TVP23C: variants seen among roughly 807,000 people sequenced by gnomAD.
TVP23C encodes trans-golgi network vesicle protein 23 homolog C.
TVP23C carries 19 observed loss-of-function variants against 28.7 expected under a neutral mutation model. The ratio of observed to expected loss-of-function variants is 0.66; its 90% CI spans 0.46 to 0.97. The LOEUF is 0.97. Among genes scored for constraint, TVP23C ranks in the 50% least tolerant of loss-of-function variants. The pLI, the probability that TVP23C is intolerant of heterozygous loss-of-function variation, is 0.00. For synonymous variants in TVP23C, 68 were observed against 81.7 expected, an observed-to-expected ratio of 0.83 and a Z score of 0.90; for missense variants, 186 against 241.3, an observed-to-expected ratio of 0.77 and a Z score of 1.52.
intron 5 of TVP23C, among the ~76,000 whole-genome samples, chr17:15,525,670 G>A (rs1396634205): frequency 6.6e-6 from 1 of 152,152 alleles, no homozygotes; most frequent in Non-Finnish European, 1.5e-5. Flanking sequence ...CTCTCCGTGT[G>A]TGTGTGTGTG....
rs758973311 is a variant in TVP23C, at chr17:15,538,694, G to A, written c.*1718C>T. ...AGTTTGTCTCATTTGAGCAGACGCC[G>A]GATACCATGTAAGACACTAACCCTA... On this transcript the variant is annotated 3_prime_UTR_variant, in exon 6 of 6. Coordinates refer to ENST00000518321, the MANE Select transcript of TVP23C (RefSeq NM_001135036.2). The A allele has an allele frequency of 1.0e-4, 101 of 985,216 alleles. No homozygotes were observed. The highest frequency in any genetic ancestry group is 5.2e-4 in the Middle Eastern group (1 of 1,936). 61.0% of individuals were successfully genotyped at this position (985,216 alleles called of 1,614,324 possible).
chr17:15,515,632 A>C (rs1367596933), intron 5 of TVP23C, among the ~76,000 whole-genome samples: 1 of 152,242 alleles, frequency 6.6e-6, no homozygotes, highest in Non-Finnish European at 1.5e-5. Context: ...AGAACCCAGG[A>C]AGGCCAGGTG....
intron 1 of TVP23C, among the ~76,000 whole-genome samples, chr17:15,561,172 TAA>T (rs201979667): frequency 0.027 from 4,113 of 152,208 alleles, 172 homozygotes; most frequent in African/African-American, 0.092. Context: ...TGAGAGAGGA[TAA>T]GAGAAGAAAC....
Position 15,510,228 on chromosome 17 carries a change from G to A in TVP23C, c.463-6996C>T, listed in dbSNP as rs1197644637. The stretch of plus-strand genomic sequence containing the variant: ...GAGGAGGAAGTAGAGAAGAGAGCTG[G>A]GCTGGAGGAAGATGATGGTGAGACC... On this transcript the variant is annotated intron_variant, in intron 5 of 5. Coordinates refer to the TVP23C transcript ENST00000225576. Among the ~76,000 whole-genome samples, 4 of 152,264 alleles carry A rather than the reference G, an allele frequency of 2.6e-5. No homozygotes were observed. The South Asian group carries it at 8.3e-4, about 32-fold the overall frequency.
chr17:15,507,838 C>CA (rs936532859), intron 5 of TVP23C, among the ~76,000 whole-genome samples: 1 of 150,708 alleles, frequency 6.6e-6, no homozygotes. Context: ...GACTCCATCT[C>CA]AAAAAAAAGA....
intron 5 of TVP23C, among the ~76,000 whole-genome samples, chr17:15,542,638 G>A (rs1203308568): frequency 7.2e-5 from 11 of 151,734 alleles, no homozygotes; most frequent in Non-Finnish European, 1.5e-4. Context: ...CACCACACCC[G>A]GCTAATTTTT....
rs188841609 is a variant in TVP23C, at chr17:15,557,185, T to C, written c.13-1821A>G. Among the ~76,000 whole-genome samples, 78 of 149,628 alleles carry C rather than the reference T, an allele frequency of 5.2e-4. 6 individuals carry two copies. The highest frequency in any genetic ancestry group is 1.1e-3 in the Non-Finnish European group (71 of 66,818). On this transcript the variant is annotated intron_variant, in intron 1 of 5. Transcript: ENST00000518321. ...TGAAATCCCCATGTTCCCACAGCACTTGGACGAATCTCCATTTGAACAATT... is the reference window on the plus strand; with the variant it reads ...TGAAATCCCCATGTTCCCACAGCACCTGGACGAATCTCCATTTGAACAATT...
At chr17:15,554,686 G>C (rs1233970310) in intron 2 of TVP23C, among the ~76,000 whole-genome samples, 3 of 152,120 alleles carry the variant, frequency 2.0e-5, no homozygotes. Context: ...ACCCCAGACA[G>C]AATCTTTGCA....
intron 5 of TVP23C, among the ~76,000 whole-genome samples, chr17:15,511,713 C>T (rs185274517): frequency 6.6e-6 from 1 of 152,296 alleles, no homozygotes; most frequent in East Asian, 1.9e-4. Flanking sequence ...CTTGTCCCCA[C>T]TCAATGGCTC....
At position 15,538,825 on chromosome 17, in the gene TVP23C, C is replaced by T. The variant is rs1597529966; in HGVS notation, c.*1587G>A. On this transcript the variant is annotated 3_prime_UTR_variant, in exon 6 of 6. Coordinates refer to ENST00000518321, the MANE Select transcript of TVP23C (RefSeq NM_001135036.2). The stretch of plus-strand genomic sequence containing the variant: ...ACGAAAAAAACCTAATAAGCACATA[C>T]ATGAAAGTTACCCTAAGGTGGACCA... The T allele has an allele frequency of 2.0e-6, 2 of 985,376 alleles. No individual in the cohort carries two copies. The highest frequency in any genetic ancestry group is 1.7e-5 in the African/African-American group (1 of 57,346). 61.0% of individuals were successfully genotyped at this position (985,376 alleles called of 1,614,324 possible). A position where few individuals can be genotyped will look rare whatever the true frequency, so the allele number is the denominator to read the frequency against.
At chr17:15,513,518 G>A (rs1364080823) in intron 5 of TVP23C, among the ~76,000 whole-genome samples, 1 of 152,198 alleles carries the variant, frequency 6.6e-6, no homozygotes, top group East Asian at 1.9e-4. Context: ...CAGTCCTAGC[G>A]TCGATAGCAA....
intron 5 of TVP23C, among the ~76,000 whole-genome samples, chr17:15,511,908 G>C (rs1212664840): frequency 2.0e-5 from 3 of 152,112 alleles, no homozygotes; most frequent in African/African-American, 7.2e-5. Context: ...ATTAATTATA[G>C]AAGTGCCAGG....
chr17:15,560,169 C>G (rs1352268506), intron 1 of TVP23C, among the ~76,000 whole-genome samples: 1 of 149,516 alleles, frequency 6.7e-6, no homozygotes, highest in Non-Finnish European at 1.5e-5. Flanking sequence ...AAGGGACTCC[C>G]CTGCATCAGC....
intron 5 of TVP23C, among the ~76,000 whole-genome samples, chr17:15,512,119 C>T (rs1597505316): frequency 6.6e-6 from 1 of 152,092 alleles, no homozygotes; most frequent in South Asian, 2.1e-4. Flanking sequence ...TGTCCTGGGA[C>T]CACACTTGAG....
intron 1 of TVP23C, among the ~76,000 whole-genome samples, chr17:15,558,915 G>A (rs1345484171): frequency 1.4e-5 from 2 of 146,148 alleles, no homozygotes; most frequent in Non-Finnish European, 3.0e-5. Context: ...CCAGGCTGGA[G>A]TGCAGTGGAA....
chr17:15,551,938 T>A (rs1050742077), intron 3 of TVP23C, among the ~76,000 whole-genome samples: 1 of 152,220 alleles, frequency 6.6e-6, no homozygotes, highest in African/African-American at 2.4e-5. Flanking sequence ...TTAATTTTGC[T>A]TCATATCTCC....
At chr17:15,550,200 T>A (rs1053542411) in intron 3 of TVP23C, among the ~76,000 whole-genome samples, 1 of 152,212 alleles carries the variant, frequency 6.6e-6, no homozygotes. Flanking sequence ...TTTTGACATA[T>A]TCAGAAAGTT....
chr17:15,508,196 C>A (rs999273553), intron 5 of TVP23C, among the ~76,000 whole-genome samples: 1 of 152,162 alleles, frequency 6.6e-6, no homozygotes, highest in Non-Finnish European at 1.5e-5. Flanking sequence ...TTGAAGGCAT[C>A]TCTCAGTTGG....
At chr17:15,542,474 A>ATTTT (rs1464628401) in intron 5 of TVP23C, among the ~76,000 whole-genome samples, 5 of 151,794 alleles carry the variant, frequency 3.3e-5, no homozygotes, top group Non-Finnish European at 7.4e-5. Flanking sequence ...TTATTTATTT[A>ATTTT]TTTTTATTTA....
Sources: allele counts gnomAD v4.1 joint callset (sites outside exome capture counted in the v4.1 genomes callset), GRCh38; gene constraint gnomAD v4.1.1; transcripts MANE v1.5; gene names NCBI Gene and HGNC (gene_info 2026-07-23, HGNC 2026-07-21).